The following ROBO1 variants were observed in gnomAD, a reference collection of about 807,000 sequenced individuals.
The protein encoded by ROBO1 is roundabout guidance receptor 1, also known as roundabout homolog 1.
A neutral mutation model predicts 195.9 loss-of-function variants in ROBO1; 149 were observed. The observed-to-expected ratio is 0.76, with a 90% CI of 0.67 to 0.87. The LOEUF (loss-of-function observed/expected upper bound fraction) is 0.87, where lower values mean the gene tolerates loss of function less well. ROBO1 is among the 40% of genes least tolerant of loss of function. ROBO1 has a pLI of 0.00. For synonymous variants in ROBO1, 816 were observed against 733.2 expected (o/e 1.11, Z -1.82); for missense variants, 1,933 against 2,068.3 (o/e 0.93, Z 1.27).
intron 3 of ROBO1, among the ~76,000 whole-genome samples, chr3:78,965,092 T>C (rs1440943575): frequency 6.6e-6 from 1 of 152,070 alleles, no homozygotes; most frequent in Non-Finnish European, 1.5e-5. Context: ...ATATAAATAA[T>C]GTTGAGGTGA....
At chr3:79,078,200 T>TAAAC (rs1040040135) in intron 3 of ROBO1, among the ~76,000 whole-genome samples, 11 of 151,864 alleles carry the variant, frequency 7.2e-5, no homozygotes, top group African/African-American at 2.7e-4. Context: ...ATATTTTATC[T>TAAAC]AAACATATTA....
At chr3:79,108,063 C>T (rs1479255085) in intron 3 of ROBO1, among the ~76,000 whole-genome samples, 1 of 151,668 alleles carries the variant, frequency 6.6e-6, no homozygotes, top group Non-Finnish European at 1.5e-5. Flanking sequence ...TAAGCAATCA[C>T]TAATGTTTTG....
chr3:79,329,477 G>A (rs1352492378), intron 2 of ROBO1, among the ~76,000 whole-genome samples: 1 of 152,028 alleles, frequency 6.6e-6, no homozygotes, highest in African/African-American at 2.4e-5. Context: ...ATTTTCAGTT[G>A]GAAATTAATT....
intron 2 of ROBO1, among the ~76,000 whole-genome samples, chr3:79,328,549 T>C (rs1006208432): frequency 2.6e-5 from 4 of 152,176 alleles, no homozygotes; most frequent in African/African-American, 9.7e-5. Flanking sequence ...AAAACCATAA[T>C]ACAATTTTAT....
chr3:78,711,643 G>A (rs932249576), intron 8 of ROBO1, among the ~76,000 whole-genome samples: 11 of 137,622 alleles, frequency 8.0e-5, no homozygotes, highest in Admixed American at 3.7e-4. Context: ...ATGCCACCAC[G>A]CCCAGCTAAT....
At chr3:79,715,947 T>C (rs918269076) in intron 1 of ROBO1, among the ~76,000 whole-genome samples, 1 of 152,092 alleles carries the variant, frequency 6.6e-6, no homozygotes, top group African/African-American at 2.4e-5. Flanking sequence ...AAAATATGTA[T>C]AGGAATCTTA....
chr3:79,501,711 A>T (rs929177401), intron 2 of ROBO1, among the ~76,000 whole-genome samples: 4 of 152,234 alleles, frequency 2.6e-5, no homozygotes, highest in African/African-American at 9.6e-5. Context: ...TTAGGCAAGA[A>T]ATCTTCGTAA....
intron 2 of ROBO1, among the ~76,000 whole-genome samples, chr3:79,298,243 A>G (rs144137566): frequency 3.0e-4 from 45 of 152,276 alleles, no homozygotes; most frequent in African/African-American, 1.0e-3. Context: ...GCCAGCGGGC[A>G]TGATTGATTG....
At chr3:78,750,690 T>TA (rs1476766313) in intron 4 of ROBO1, among the ~76,000 whole-genome samples, 3 of 151,986 alleles carry the variant, frequency 2.0e-5, no homozygotes, top group African/African-American at 7.2e-5. Context: ...CAAAGCAGAA[T>TA]AAAAAAAGTT....
intron 2 of ROBO1, among the ~76,000 whole-genome samples, chr3:79,347,434 A>G (rs2035165154): frequency 2.6e-5 from 4 of 152,182 alleles, no homozygotes; most frequent in African/African-American, 9.7e-5. Flanking sequence ...GCCAGCATGC[A>G]ACACAGTCTT....
chr3:79,277,857 C>A (rs1312160059), intron 2 of ROBO1, among the ~76,000 whole-genome samples: 1 of 151,278 alleles, frequency 6.6e-6, no homozygotes, highest in Non-Finnish European at 1.5e-5. Flanking sequence ...TAGAGGGCAT[C>A]CAAATTGAAA....
chr3:79,017,041 G>A (rs1349791643), intron 3 of ROBO1, among the ~76,000 whole-genome samples: 2 of 152,164 alleles, frequency 1.3e-5, no homozygotes, highest in African/African-American at 4.8e-5. Flanking sequence ...CGAGGAGTTA[G>A]TCTACTCATC....
intron 2 of ROBO1, among the ~76,000 whole-genome samples, chr3:79,274,074 T>G (rs538275564): frequency 1.3e-4 from 20 of 152,080 alleles, no homozygotes; most frequent in African/African-American, 4.8e-4. Flanking sequence ...GCTGGAGCCT[T>G]AAACACCCTA....
At chr3:78,721,127 T>A (rs536859770) in intron 5 of ROBO1, among the ~76,000 whole-genome samples, 1 of 152,166 alleles carries the variant, frequency 6.6e-6, no homozygotes, top group African/African-American at 2.4e-5. Context: ...TCTTTGGCTA[T>A]ACGAGTTGTA....
intron 2 of ROBO1, among the ~76,000 whole-genome samples, chr3:79,347,003 T>C (rs1350148076): frequency 6.6e-6 from 1 of 151,996 alleles, no homozygotes. Context: ...GTTCATAATA[T>C]GGTGATAAGT....
At chr3:78,649,125 T>TA (rs5850379) in intron 19 of ROBO1, among the ~76,000 whole-genome samples, 40,562 of 132,012 alleles carry the variant, frequency 0.31, 5,661 homozygotes, top group Middle Eastern at 0.34. Flanking sequence ...CAAGTCTTCA[T>TA]AAAAAAAAAA....
chr3:79,292,268 T>C (rs1426548346), intron 2 of ROBO1, among the ~76,000 whole-genome samples: 34 of 152,180 alleles, frequency 2.2e-4, no homozygotes. Flanking sequence ...AGCTTAAGGA[T>C]ATTTGGGGCT....
intron 2 of ROBO1, among the ~76,000 whole-genome samples, chr3:79,221,920 C>A (rs1300348781): frequency 6.6e-6 from 1 of 152,006 alleles, no homozygotes; most frequent in Non-Finnish European, 1.5e-5. Flanking sequence ...AAATACTGTT[C>A]AAATATACAG....
chr3:78,655,994 A>G (rs1367568623), intron 18 of ROBO1, among the ~76,000 whole-genome samples: 1 of 152,156 alleles, frequency 6.6e-6, no homozygotes, highest in African/African-American at 2.4e-5. Context: ...TTTCAGTTAC[A>G]ATGGTATTTT....
Sources: gnomAD v4.1 joint callset for allele counts (sites outside exome capture counted in the v4.1 genomes callset) on GRCh38, gnomAD v4.1.1 for gene constraint, MANE v1.5 for transcripts, NCBI Gene and HGNC (gene_info 2026-07-23, HGNC 2026-07-21) for gene names.